Variants in AP2A1 observed in about 807,000 individuals in gnomAD.
The protein encoded by AP2A1 is AP-2 complex subunit alpha-1.
Under a neutral mutation model 107.3 loss-of-function variants are expected in AP2A1, and 21 were observed. The observed-to-expected ratio is 0.20, with a 90% confidence interval of 0.14 to 0.28. The LOEUF is 0.28. Ranked by LOEUF, AP2A1 falls within the 10% of genes least tolerant of loss-of-function variation. The pLI is 1.00. For missense variants in AP2A1, 873 were observed against 1,307.7 expected (o/e 0.67, Z 5.13); for synonymous variants, 602 against 564.8 (o/e 1.07, Z -0.93).
chr19:49,769,709 A>G (rs2084538038), intron 1 of AP2A1, among the ~76,000 whole-genome samples: 1 of 151,886 alleles, frequency 6.6e-6, no homozygotes, highest in African/African-American at 2.4e-5. Context: ...CAGGGGAGGG[A>G]TGTGACCGAT....
Position 49,799,315 on chromosome 19 carries a change from C to A in AP2A1, c.966-12C>A. The A allele has an allele frequency of 6.2e-7, 1 of 1,607,688 alleles. No individual in the cohort carries two copies. The highest frequency in any genetic ancestry group is 8.5e-7 in the Non-Finnish European group (1 of 1,179,114). ...TCTCTCACCATCCCTCTCTTGTGGC[C>A]CCTGCTGGCAGTGAGCCCAACCTCC... On this transcript the variant is annotated splice_polypyrimidine_tract_variant and intron_variant, in intron 8 of 22. Transcript: ENST00000354293.
rs374555580 is a variant in AP2A1 at position 49,776,080 on chromosome 19, C to T, written c.68-5677C>T. On this transcript the variant is annotated intron_variant, in intron 1 of 22. Transcript: ENST00000354293. ...CGCCTTCGCACCCGAACACCCCTCA[C>T]GGCAACAGCCACTGGACGGAGCACG... 8.2e-3 allele frequency among the ~76,000 whole-genome samples: 1,246 copies of T among 152,248 alleles called. 24 individuals are homozygous for T. The highest frequency in any genetic ancestry group is 0.027 in the African/African-American group (1,126 of 41,534).
At chr19:49,803,464 C>T (rs1346460407) in intron 18 of AP2A1, 88 bp downstream of exon 18, 2 of 1,033,604 alleles carry the variant, frequency 1.9e-6, no homozygotes, top group Non-Finnish European at 3.0e-6. Context: ...GTCCACACTT[C>T]TCTTCAGCCT....
chr19:49,800,546 G>A (rs891449889), intron 11 of AP2A1: 1 of 264,298 alleles, frequency 3.8e-6, no homozygotes, highest in Non-Finnish European at 7.3e-6. Context: ...TCGGCTCACT[G>A]CAACCTCGGC....
chr19:49,773,593 T>C (rs2084587092), intron 1 of AP2A1, among the ~76,000 whole-genome samples: 1 of 152,228 alleles, frequency 6.6e-6, no homozygotes, highest in South Asian at 2.1e-4. Context: ...CAGAAGTTCC[T>C]GCCCTAGGGT....
rs746488223 is a variant in AP2A1 at position 49,807,067 on chromosome 19, C to T, written c.*309C>T. 4.9e-5 allele frequency: 68 copies of T among 1,382,420 alleles called. No homozygotes were observed. The East Asian group carries it at 1.5e-3, about 30-fold the overall frequency. 85.6% of individuals were successfully genotyped at this position (1,382,420 alleles called of 1,614,324 possible). On this transcript the variant is annotated 3_prime_UTR_variant, in exon 23 of 23. Coordinates refer to ENST00000354293, the MANE Select transcript of AP2A1 (RefSeq NM_130787.3). Reference sequence around the variant, plus strand: ...GTAGCCCCTCCTACCCCCTCCCCATCCAGGGGCTGTGTATTATTGTGAGCG... The same window carrying T: ...GTAGCCCCTCCTACCCCCTCCCCATTCAGGGGCTGTGTATTATTGTGAGCG...
At chr19:49,787,334 G>GTTTTGT (rs1298524155) in intron 4 of AP2A1, among the ~76,000 whole-genome samples, 1 of 108,502 alleles carries the variant, frequency 9.2e-6, no homozygotes, top group African/African-American at 3.8e-5. Context: ...GGCTTTTTTT[G>GTTTTGT]TTTGTTTTTT....
rs905354824 is a variant in AP2A1, at chr19:49,767,304, G to C, written c.67+104G>C. 5.6e-5 allele frequency: 78 copies of C among 1,393,632 alleles called. No individual in the cohort carries two copies. The Admixed American group carries it at 1.4e-3, about 24-fold the overall frequency. The allele number at this position is 1,393,632 out of a possible 1,614,324, so 86.3% of individuals were successfully genotyped here. On this transcript the variant is annotated intron_variant, in intron 1 of 22. Coordinates refer to ENST00000354293, the MANE Select transcript of AP2A1 (RefSeq NM_130787.3). Reference sequence around the variant, plus strand: ...GACCCGGGGGATCAAAAGCCTCTGCGGCCGTATAGGGACAGCATAGATGGG... The same window carrying C: ...GACCCGGGGGATCAAAAGCCTCTGCCGCCGTATAGGGACAGCATAGATGGG...
chr19:49,778,785 A>T (rs1319557950), intron 1 of AP2A1, among the ~76,000 whole-genome samples: 1 of 152,108 alleles, frequency 6.6e-6, no homozygotes, highest in Non-Finnish European at 1.5e-5. Flanking sequence ...AATACATATT[A>T]TTTAAATTAA....
chr19:49,793,135 A>G (rs774135213), intron 6 of AP2A1, 43 bp downstream of exon 6: 17 of 1,524,312 alleles, frequency 1.1e-5, no homozygotes, highest in Non-Finnish European at 1.4e-5. Flanking sequence ...TGGCCCTGGC[A>G]TCCCTATGCC....
At chr19:49,789,070 C>T (rs764773926) in intron 4 of AP2A1, among the ~76,000 whole-genome samples, 19 of 152,200 alleles carry the variant, frequency 1.2e-4, no homozygotes, top group African/African-American at 3.1e-4. Context: ...GCCTGGATGA[C>T]GGCAGGAGCC....
chr19:49,780,680 A>G (rs2084665104), intron 1 of AP2A1, among the ~76,000 whole-genome samples: 1 of 152,144 alleles, frequency 6.6e-6, no homozygotes, highest in Admixed American at 6.5e-5. Flanking sequence ...TGAAGTGGTC[A>G]TCGTGGAGGT....
In AP2A1 at chr19:49,781,983, AT is replaced by A; in HGVS notation, c.174del (p.Tyr58Ter). On this transcript the variant is annotated frameshift_variant, in exon 3 of 23. Transcript: ENST00000354293. LOFTEE classifies it high-confidence loss of function. ...TTGGATGGCTACAGTAAGAAAAAAT[AT>A]GTGTGTAAACTGCTTTTCATCTTCC... ...KALDGYSKKK[Y>X]VCKLLFIFLL... The A allele has an allele frequency of 6.2e-7, 1 of 1,611,958 alleles. No homozygotes were observed.
rs2073284035 is a variant in AP2A1, at chr19:49,801,821, G to A, written c.1885G>A (p.Asp629Asn). The A allele has an allele frequency of 6.5e-7, 1 of 1,532,788 alleles. No homozygotes were observed. Among genetic ancestry groups the A allele is most frequent in the Non-Finnish European group, 8.7e-7 (1 of 1,143,244 alleles). 94.9% of individuals were successfully genotyped at this position (1,532,788 alleles called of 1,614,324 possible). A position where few individuals can be genotyped will look rare whatever the true frequency, so the allele number is the denominator to read the frequency against. The change falls in exon 14 of 23, where the codon GAC (aspartate) becomes AAC (asparagine). Residue 629 changes from aspartate (D) to asparagine (N), a missense_variant. Around this residue, in one of 4 missense-constraint regions of AP2A1, gnomAD observed 416 missense variants for 473.4 expected, o/e 0.88. Transcript: ENST00000354293. ...KKGPGAGSAL[D>N]DGRRDPSSND... is the part of the protein sequence containing the mutation. Reference sequence around the variant, plus strand: ...GGGGCCAGGGGCCGGCAGCGCCCTGGACGATGGCCGGAGGGACCCCAGCAG... The same window carrying A: ...GGGGCCAGGGGCCGGCAGCGCCCTGAACGATGGCCGGAGGGACCCCAGCAG...
chr19:49,792,938 C>T (rs1426935366), intron 5 of AP2A1, 53 bp from the exon 6 acceptor site: 4 of 1,483,506 alleles, frequency 2.7e-6, no homozygotes, highest in Non-Finnish European at 2.8e-6. Context: ...AGCCTCTGCT[C>T]TCAGGTACCA....
At chr19:49,792,789 C>T (rs1226659429) in intron 5 of AP2A1, among the ~76,000 whole-genome samples, 2 of 152,178 alleles carry the variant, frequency 1.3e-5, no homozygotes, top group Non-Finnish European at 2.9e-5. Context: ...CCCCACACAC[C>T]CAGGTCAGTG....
rs532848411 is a variant in AP2A1, at chr19:49,801,905, T to G, written c.1953+16T>G. On this transcript the variant is annotated intron_variant, in intron 14 of 22. Coordinates refer to ENST00000354293, the MANE Select transcript of AP2A1 (RefSeq NM_130787.3). ...CAGCACTGTGGTGAGTCCCCTGGGG[T>G]GGGCCCTGCCAGGGTGCCTGGGGCT... The G allele has an allele frequency of 2.0e-5, 30 of 1,465,994 alleles. No individual in the cohort carries two copies. The South Asian group carries it at 4.2e-4, about 20-fold the overall frequency. 90.8% of individuals were successfully genotyped at this position (1,465,994 alleles called of 1,614,324 possible).
Position 49,803,390 on chromosome 19 carries a change from C to G in AP2A1, c.2344+14C>G. On this transcript the variant is annotated intron_variant, in intron 18 of 22. Transcript: ENST00000354293. Reference sequence around the variant, plus strand: ...ACCTCCAGACTCATATCCTCTCAGGCCCGGCCCAGCCTCCTGCCTCTCCAC... The same window carrying G: ...ACCTCCAGACTCATATCCTCTCAGGGCCGGCCCAGCCTCCTGCCTCTCCAC... The G allele has an allele frequency of 6.2e-7, 1 of 1,608,656 alleles. No individual in the cohort carries two copies. The highest frequency in any genetic ancestry group is 8.5e-7 in the Non-Finnish European group (1 of 1,175,200).
chr19:49,796,565 G>A (rs1415894957), intron 7 of AP2A1: 1 of 152,320 alleles, frequency 6.6e-6, no homozygotes, highest in Non-Finnish European at 1.5e-5. Context: ...ATCTCTGGGT[G>A]TGCATGCCTG....
Sources: gnomAD v4.1 joint callset for allele counts (sites outside exome capture counted in the v4.1 genomes callset) on GRCh38, gnomAD v4.1.1 for gene constraint, gnomAD v4.1.1 regional missense constraint, MANE v1.5 for transcripts, NCBI Gene and HGNC (gene_info 2026-07-23, HGNC 2026-07-21) for gene names.